KIFAP3: variants seen among roughly 807,000 people sequenced by gnomAD.
KIFAP3 encodes kinesin-associated protein 3.
KIFAP3 carries 68 observed loss-of-function variants against 106.5 expected under a neutral mutation model. That is an observed-to-expected ratio of 0.64 (90% CI 0.53 to 0.78). The LOEUF (loss-of-function observed/expected upper bound fraction) is 0.78, where lower values mean the gene tolerates loss of function less well. KIFAP3 is among the 30% of genes least tolerant of loss of function. KIFAP3 has a pLI of 0.00. For synonymous variants in KIFAP3, 320 were observed against 311.5 expected, an observed-to-expected ratio of 1.03 and a Z score of -0.29; for missense variants, 780 against 941.8, an observed-to-expected ratio of 0.83 and a Z score of 2.25.
chr1:170,039,320 T>G, intron 3 of KIFAP3, 32 bp from the exon 4 acceptor site: 1 of 1,234,450 alleles, frequency 8.1e-7, no homozygotes, highest in Non-Finnish European at 1.2e-6. Context: ...ATAAGGAGAC[T>G]TAGGTTTTTA....
chr1:169,951,370 T>C (rs1664721970), intron 19 of KIFAP3, among the ~76,000 whole-genome samples: 1 of 151,956 alleles, frequency 6.6e-6, no homozygotes, highest in Non-Finnish European at 1.5e-5. Context: ...ATTCTTTTGA[T>C]TTGAAAAACA....
chr1:170,004,965 A>T (rs889595366), intron 10 of KIFAP3, among the ~76,000 whole-genome samples: 1 of 152,160 alleles, frequency 6.6e-6, no homozygotes, highest in African/African-American at 2.4e-5. Flanking sequence ...TCATCTGACA[A>T]AGGGCTAATA....
Position 170,034,456 on chromosome 1 carries a change from C to A in KIFAP3, c.658G>T (p.Gly220Ter). 6.4e-7 allele frequency: 1 copy of A among 1,556,836 alleles called. No homozygotes were observed. The highest frequency in any genetic ancestry group is 8.8e-7 in the Non-Finnish European group (1 of 1,134,042). The stretch of plus-strand genomic sequence containing the variant: ...TCAATAATATTCATACACAGAGCTC[C>A]AATTTTATAGTGAGTAATAAGTCCA... Reference protein sequence around the residue: ...FHGLITHYKIGALCMNIIDHE... With the variant: ...FHGLITHYKI The change falls in exon 7 of 20, where the codon GGA becomes TGA. Residue 220 changes from glycine to a stop codon, truncating the protein, a stop_gained. Coordinates refer to ENST00000361580, the MANE Select transcript of KIFAP3 (RefSeq NM_014970.4). LOFTEE classifies it high-confidence loss of function.
intron 19 of KIFAP3, among the ~76,000 whole-genome samples, chr1:169,941,216 A>G (rs1442413959): frequency 5.3e-5 from 8 of 152,206 alleles, no homozygotes; most frequent in Non-Finnish European, 8.8e-5. Context: ...TGAAAGTTCA[A>G]CATTCTAACA....
chr1:170,037,549 G>A (rs1372691201), intron 5 of KIFAP3, among the ~76,000 whole-genome samples: 1 of 151,414 alleles, frequency 6.6e-6, no homozygotes, highest in Admixed American at 6.6e-5. Flanking sequence ...GACCAATACG[G>A]TGAAACCCTG....
At chr1:169,967,072 C>G (rs1164888967) in intron 17 of KIFAP3, among the ~76,000 whole-genome samples, 1 of 151,524 alleles carries the variant, frequency 6.6e-6, no homozygotes, top group Non-Finnish European at 1.5e-5. Context: ...TTCTATTTAC[C>G]AAGTACAGTA....
chr1:170,074,618 A>T lies in KIFAP3; in HGVS notation c.-151T>A. 6.6e-7 allele frequency: 1 copy of T among 1,505,722 alleles called. No individual in the cohort carries two copies. Among genetic ancestry groups the T allele is most frequent in the Non-Finnish European group, 8.9e-7 (1 of 1,123,780 alleles). The allele number at this position is 1,505,722 out of a possible 1,614,324, so 93.3% of individuals were successfully genotyped here. The stretch of plus-strand genomic sequence containing the variant: ...GGGCAGCAGCGGCGCTGTGGTTACC[A>T]CGGTGAAGCCTCCAGCTCCTCCCAC... On this transcript the variant is annotated 5_prime_UTR_variant, in exon 1 of 20. Transcript: ENST00000361580.
chr1:170,074,512 G>A lies in KIFAP3; in HGVS notation c.-45C>T. 6.2e-7 allele frequency: 1 copy of A among 1,613,276 alleles called. No homozygotes were observed. ...TGGAGAGGATGGGGTATCTTGAGAGGCAGGCGCGGTTATTTCCGGGGACGG... is the reference window on the plus strand; with the variant it reads ...TGGAGAGGATGGGGTATCTTGAGAGACAGGCGCGGTTATTTCCGGGGACGG... On this transcript the variant is annotated 5_prime_UTR_variant, in exon 1 of 20. Transcript: ENST00000361580.
intron 11 of KIFAP3, among the ~76,000 whole-genome samples, chr1:169,985,793 G>A (rs766363787): frequency 7.9e-5 from 12 of 151,686 alleles, no homozygotes; most frequent in Non-Finnish European, 1.8e-4. Context: ...AAAAGAAAGA[G>A]GGTCTGAAAA....
At chr1:170,070,270 A>T (rs1198516290) in intron 1 of KIFAP3, among the ~76,000 whole-genome samples, 1 of 152,146 alleles carries the variant, frequency 6.6e-6, no homozygotes, top group Non-Finnish European at 1.5e-5. Flanking sequence ...AAGTTTCAAT[A>T]GCTTTTTTTG....
At chr1:170,069,969 G>A (rs1295394476) in intron 1 of KIFAP3, among the ~76,000 whole-genome samples, 2 of 152,072 alleles carry the variant, frequency 1.3e-5, no homozygotes, top group African/African-American at 4.8e-5. Context: ...ATTCAGCAAA[G>A]TTGGAGAATA....
At chr1:170,017,549 T>C (rs1014030435) in intron 9 of KIFAP3, among the ~76,000 whole-genome samples, 2 of 152,154 alleles carry the variant, frequency 1.3e-5, no homozygotes, top group Non-Finnish European at 2.9e-5. Context: ...ATAATCATAG[T>C]ATAAAGTACA....
chr1:170,007,135 G>A (rs949172860), intron 10 of KIFAP3, among the ~76,000 whole-genome samples: 1 of 152,122 alleles, frequency 6.6e-6, no homozygotes, highest in Admixed American at 6.6e-5. Flanking sequence ...ATTGACCATT[G>A]GCTTTGGCAA....
intron 10 of KIFAP3, among the ~76,000 whole-genome samples, chr1:169,995,681 G>A (rs1667334409): frequency 1.3e-5 from 2 of 152,024 alleles, no homozygotes; most frequent in Admixed American, 6.6e-5. Flanking sequence ...TATACTCTAG[G>A]AGAATCTGTC....
chr1:169,968,584 AT>A (rs1229531029), intron 17 of KIFAP3, among the ~76,000 whole-genome samples: 5 of 151,916 alleles, frequency 3.3e-5, no homozygotes, highest in African/African-American at 9.7e-5. Flanking sequence ...TGCTAACAAG[AT>A]ACTTTTTATA....
intron 3 of KIFAP3, among the ~76,000 whole-genome samples, chr1:170,042,886 C>T (rs1316266737): frequency 6.6e-6 from 1 of 152,160 alleles, no homozygotes; most frequent in Non-Finnish European, 1.5e-5. Flanking sequence ...TTTCTCTAGC[C>T]TTAAGGTCCA....
At chr1:169,923,991 C>CCT (rs1553269804) in intron 19 of KIFAP3, among the ~76,000 whole-genome samples, 1 of 151,588 alleles carries the variant, frequency 6.6e-6, no homozygotes, top group Non-Finnish European at 1.5e-5. Context: ...AATTCTCCCC[C>CCT]TTTTTTTTAT....
intron 10 of KIFAP3, among the ~76,000 whole-genome samples, chr1:170,015,986 C>G (rs1296034059): frequency 6.6e-6 from 1 of 151,942 alleles, no homozygotes; most frequent in Non-Finnish European, 1.5e-5. Flanking sequence ...CCCAGGAGTT[C>G]AAGACCAGCC....
chr1:169,945,190 CCCAG>C (rs1664371969), intron 19 of KIFAP3, among the ~76,000 whole-genome samples: 2 of 152,292 alleles, frequency 1.3e-5, no homozygotes, highest in South Asian at 4.1e-4. Flanking sequence ...TGCAGGCACA[CCCAG>C]CCAGGTCATG....
Sources: gnomAD v4.1 joint callset for allele counts (sites outside exome capture counted in the v4.1 genomes callset) on GRCh38, gnomAD v4.1.1 for gene constraint, MANE v1.5 for transcripts, NCBI Gene and HGNC (gene_info 2026-07-23, HGNC 2026-07-21) for gene names.